The following SNX29 variants were observed in gnomAD, a reference collection of about 807,000 sequenced individuals.
SNX29 encodes the protein sorting nexin-29.
SNX29 carries 78 observed loss-of-function variants against 102.1 expected under a neutral mutation model. The ratio of observed to expected loss-of-function variants is 0.76; its 90% CI spans 0.64 to 0.92. The LOEUF is 0.92. Among genes scored for constraint, SNX29 ranks in the 40% least tolerant of loss-of-function variants. The pLI is 0.00. For missense variants in SNX29, 1,280 were observed against 1,061.7 expected, an observed-to-expected ratio of 1.21 and a Z score of -2.86; for synonymous variants, 580 against 414.5, an observed-to-expected ratio of 1.40 and a Z score of -4.85.
intron 13 of SNX29, 30 bp from the exon 14 acceptor site, chr16:12,199,571 T>G (rs755394883): frequency 1.3e-6 from 2 of 1,576,322 alleles, no homozygotes; most frequent in East Asian, 2.4e-5. Flanking sequence ...TTTTTAAATA[T>G]ATATTTTTTT....
chr16:12,304,783 AT>A (rs902247324), intron 15 of SNX29, among the ~76,000 whole-genome samples: 1 of 152,152 alleles, frequency 6.6e-6, no homozygotes, highest in African/African-American at 2.4e-5. Context: ...AAGTGGCCAT[AT>A]TTTTTTAAAA....
intron 14 of SNX29, among the ~76,000 whole-genome samples, chr16:12,241,719 C>G (rs1489228273): frequency 6.6e-6 from 1 of 152,196 alleles, no homozygotes; most frequent in African/African-American, 2.4e-5. Context: ...GCCTTGGCCT[C>G]CCAAAGTGCT....
intron 10 of SNX29, among the ~76,000 whole-genome samples, chr16:12,073,239 T>G (rs2051381848): frequency 6.6e-6 from 1 of 152,178 alleles, no homozygotes; most frequent in Non-Finnish European, 1.5e-5. Context: ...CTTGCTTTTT[T>G]TCTAGTTCTT....
intron 18 of SNX29, among the ~76,000 whole-genome samples, chr16:12,417,990 A>C (rs1343953422): frequency 6.6e-6 from 1 of 152,030 alleles, no homozygotes; most frequent in Non-Finnish European, 1.5e-5. Context: ...TGGGAAGGGG[A>C]AGGGAATAGA....
chr16:12,211,188 G>A (rs543223357), intron 14 of SNX29, among the ~76,000 whole-genome samples: 2 of 152,234 alleles, frequency 1.3e-5, no homozygotes, highest in Non-Finnish European at 2.9e-5. Context: ...TGAGTACCAG[G>A]CACAGTTCTG....
intron 1 of SNX29, among the ~76,000 whole-genome samples, chr16:11,980,480 C>T (rs1347092819): frequency 6.6e-6 from 1 of 152,116 alleles, no homozygotes; most frequent in African/African-American, 2.4e-5. Flanking sequence ...AACGTTCACG[C>T]ACATGTTTTT....
At chr16:12,248,842 G>T (rs1282735132) in intron 14 of SNX29, among the ~76,000 whole-genome samples, 1 of 151,918 alleles carries the variant, frequency 6.6e-6, no homozygotes, top group Non-Finnish European at 1.5e-5. Flanking sequence ...CTTTTGGTCT[G>T]TCTGACTCCC....
chr16:12,441,853 A>G (rs2085822292), intron 18 of SNX29, among the ~76,000 whole-genome samples: 1 of 152,118 alleles, frequency 6.6e-6, no homozygotes, highest in South Asian at 2.1e-4. Context: ...CAGTGGCGTG[A>G]TCTCAGATCC....
intron 13 of SNX29, among the ~76,000 whole-genome samples, chr16:12,183,472 C>G (rs1282668384): frequency 1.3e-5 from 2 of 151,866 alleles, no homozygotes; most frequent in African/African-American, 4.8e-5. Context: ...CACAAACATA[C>G]AGAGATACAT....
At chr16:12,531,310 C>G (rs529404726) in intron 20 of SNX29, among the ~76,000 whole-genome samples, 1 of 152,206 alleles carries the variant, frequency 6.6e-6, no homozygotes, top group Admixed American at 6.5e-5. Context: ...GGGGCTGGAG[C>G]CCTGGCAGGT....
intron 16 of SNX29, chr16:12,375,984 G>A (rs967061057): frequency 7.6e-6 from 1 of 131,432 alleles, no homozygotes; most frequent in African/African-American, 3.0e-5. Context: ...AGTGAGCCAA[G>A]ATCGACCCAC....
At chr16:12,542,168 C>T (rs140368255) in intron 20 of SNX29, among the ~76,000 whole-genome samples, 1 of 152,176 alleles carries the variant, frequency 6.6e-6, no homozygotes, top group Non-Finnish European at 1.5e-5. Context: ...TGCTGGGTGT[C>T]AGGCCCTGTG....
At position 12,573,611 on chromosome 16, in the gene SNX29, T is replaced by C. The variant is rs1016882495; in HGVS notation, c.*4982T>C. 9.0e-6 allele frequency: 2 copies of C among 221,522 alleles called. No individual in the cohort carries two copies. Among genetic ancestry groups the C allele is most frequent in the Non-Finnish European group, 1.8e-5 (2 of 110,542 alleles). 13.7% of individuals were successfully genotyped at this position (221,522 alleles called of 1,614,324 possible). On this transcript the variant is annotated 3_prime_UTR_variant, in exon 21 of 21. Transcript: ENST00000566228. ...ACTTCCCCTCAAATTTTCTCAGCTC[T>C]GCCGCTGGTCTCCATGAACGGCAAG...
chr16:12,449,434 A>C (rs1217174332), intron 18 of SNX29, among the ~76,000 whole-genome samples: 1 of 152,102 alleles, frequency 6.6e-6, no homozygotes, highest in Non-Finnish European at 1.5e-5. Flanking sequence ...TGGATTATGC[A>C]GTGCAAAGCA....
At chr16:12,533,480 G>C (rs2076986092) in intron 20 of SNX29, among the ~76,000 whole-genome samples, 1 of 152,184 alleles carries the variant, frequency 6.6e-6, no homozygotes, top group African/African-American at 2.4e-5. Context: ...CCCAGCAGTG[G>C]GGTTCCTGGA....
intron 16 of SNX29, among the ~76,000 whole-genome samples, chr16:12,371,044 G>A (rs1219966064): frequency 1.3e-5 from 2 of 152,154 alleles, no homozygotes; most frequent in Non-Finnish European, 2.9e-5. Context: ...CTGCCGTCCT[G>A]GTTTCTGAGG....
At chr16:12,106,487 TC>T (rs2053248932) in intron 11 of SNX29, among the ~76,000 whole-genome samples, 2 of 152,060 alleles carry the variant, frequency 1.3e-5, no homozygotes, top group African/African-American at 4.8e-5. Context: ...TGCTTGTTTT[TC>T]TTTTTCAGAC....
chr16:12,546,437 C>G (rs117606801), intron 20 of SNX29: 3 of 152,128 alleles, frequency 2.0e-5, no homozygotes, highest in Non-Finnish European at 4.4e-5. Flanking sequence ...TCGATGTGAG[C>G]TAGGAAACTC....
chr16:12,409,090 T>C (rs2084289202), intron 18 of SNX29, among the ~76,000 whole-genome samples: 1 of 152,226 alleles, frequency 6.6e-6, no homozygotes, highest in Non-Finnish European at 1.5e-5. Flanking sequence ...CAAAGTAATA[T>C]CTGGAGAGTT....
Sources: gnomAD v4.1 joint callset for allele counts (sites outside exome capture counted in the v4.1 genomes callset) on GRCh38, gnomAD v4.1.1 for gene constraint, MANE v1.5 for transcripts, NCBI Gene and HGNC (gene_info 2026-07-23, HGNC 2026-07-21) for gene names.